The following CPS1 variants were observed in gnomAD, a reference collection of about 807,000 sequenced individuals.
The protein encoded by CPS1 is carbamoyl-phosphate synthase 1.
CPS1 carries 109 observed loss-of-function variants against 174.6 expected under a neutral mutation model. The ratio of observed to expected loss-of-function variants is 0.62; its 90% CI spans 0.53 to 0.73. CPS1 has a LOEUF of 0.73. Among genes scored for constraint, CPS1 ranks in the 30% least tolerant of loss-of-function variants. The pLI is 0.00. For synonymous variants in CPS1, 637 were observed against 632.0 expected (o/e 1.01, Z -0.12); for missense variants, 1,689 against 1,821.9 (o/e 0.93, Z 1.33).
intron 1 of CPS1, among the ~76,000 whole-genome samples, chr2:210,506,484 C>G (rs112544098): frequency 0.022 from 3,355 of 152,252 alleles, 54 homozygotes; most frequent in Non-Finnish European, 0.032. Flanking sequence ...GCCTCTTCTA[C>G]TCTACTCCAA....
At chr2:210,622,522 AG>A (rs1699561833) in intron 21 of CPS1, among the ~76,000 whole-genome samples, 1 of 151,866 alleles carries the variant, frequency 6.6e-6, no homozygotes, top group Non-Finnish European at 1.5e-5. Context: ...TAGCCAATAA[AG>A]GGGTGATAGT....
chr2:210,626,134 A>C (rs188688463), intron 21 of CPS1, among the ~76,000 whole-genome samples: 6 of 152,254 alleles, frequency 3.9e-5, no homozygotes, highest in African/African-American at 1.4e-4. Flanking sequence ...GTTAATTTGT[A>C]TGAATGCAGA....
chr2:210,568,750 G>A (rs144134697), intron 1 of CPS1, among the ~76,000 whole-genome samples: 2,487 of 152,036 alleles, frequency 0.016, 58 homozygotes, highest in African/African-American at 0.056. Flanking sequence ...TAAAATATTC[G>A]TAAGACTAAC....
At chr2:210,526,649 T>A (rs957427936) in intron 1 of CPS1, among the ~76,000 whole-genome samples, 1 of 151,866 alleles carries the variant, frequency 6.6e-6, no homozygotes, top group African/African-American at 2.4e-5. Context: ...CCACACACCC[T>A]GAAATCTATC....
intron 32 of CPS1, among the ~76,000 whole-genome samples, chr2:210,662,726 G>C (rs553717886): frequency 6.6e-6 from 1 of 152,206 alleles, no homozygotes; most frequent in Non-Finnish European, 1.5e-5. Context: ...ATCAGAACAA[G>C]AAGAGGAATG....
rs758319470 is a variant in CPS1, at chr2:210,576,434, A to G, written c.325A>G (p.Thr109Ala). 1 of 1,613,758 alleles carries G rather than the reference A, an allele frequency of 6.2e-7. No individual in the cohort carries two copies. Among genetic ancestry groups the G allele is most frequent in the Non-Finnish European group, 8.5e-7 (1 of 1,179,734 alleles). Residue 109 changes from threonine to alanine, a missense_variant, in exon 3 of 38, where the codon ACT becomes GCT. Transcript: ENST00000233072. ...TATTGGGAATGGTGGAGCTCCTGAT[A>G]CTACTGCTCTGGATGAACTGGGACT... ...PIIGNGGAPD[T>A]TALDELGLSK... is the part of the protein sequence containing the mutation.
At chr2:210,495,987 C>T (rs1419226987) in intron 1 of CPS1, among the ~76,000 whole-genome samples, 2 of 152,160 alleles carry the variant, frequency 1.3e-5, no homozygotes, top group African/African-American at 2.4e-5. Context: ...CTCTTTCCCT[C>T]CCTGTGTTCT....
intron 21 of CPS1, among the ~76,000 whole-genome samples, chr2:210,637,485 CAGG>C (rs377661218): frequency 1.8e-4 from 27 of 152,132 alleles, no homozygotes; most frequent in African/African-American, 5.3e-4. Context: ...AGTGTGAAAG[CAGG>C]AGATCAGAGA....
intron 31 of CPS1, among the ~76,000 whole-genome samples, chr2:210,659,597 A>G (rs1700846447): frequency 6.6e-6 from 1 of 152,174 alleles, no homozygotes; most frequent in African/African-American, 2.4e-5. Flanking sequence ...AACCACATCC[A>G]GACCATAGTA....
intron 36 of CPS1, among the ~76,000 whole-genome samples, chr2:210,676,430 A>T (rs1701539053): frequency 2.0e-5 from 3 of 152,240 alleles, no homozygotes; most frequent in Admixed American, 2.0e-4. Flanking sequence ...CATAGGAGAT[A>T]ATTCTCTGCT....
chr2:210,649,452 A>T (rs1195168206), intron 27 of CPS1, among the ~76,000 whole-genome samples: 1 of 152,208 alleles, frequency 6.6e-6, no homozygotes, highest in East Asian at 1.9e-4. Flanking sequence ...TTCCTCTCTT[A>T]AACAAATGAA....
At chr2:210,664,769 A>T (rs1559135414) in intron 33 of CPS1, among the ~76,000 whole-genome samples, 1 of 152,106 alleles carries the variant, frequency 6.6e-6, no homozygotes, top group Non-Finnish European at 1.5e-5. Context: ...TATAAAGAGA[A>T]TTTTTCTTCC....
rs1454246560 is a variant in CPS1, at chr2:210,600,683, A to G, written c.1678A>G (p.Lys560Glu). 5 of 1,612,158 alleles carry G rather than the reference A, an allele frequency of 3.1e-6. No homozygotes were observed. In the Admixed American group the frequency reaches 8.4e-5, roughly 27 times the overall value. ...AGATAAACTAAATGAGATCAATGAA[A>G]AGATTGCTCCAAGTTTTGCAGTGGA... is the stretch of plus-strand genomic sequence containing the variant. Reference protein sequence around the residue: ...FSDKLNEINEKIAPSFAVESI... With the variant: ...FSDKLNEINEEIAPSFAVESI... The change falls in exon 15 of 38, where the codon AAG (lysine) becomes GAG (glutamate). Residue 560 changes from lysine (K) to glutamate (E), a missense_variant. By Grantham distance (56) the Lys-to-Glu change is moderately conservative (BLOSUM62 1). Transcript: ENST00000233072.
intron 1 of CPS1, among the ~76,000 whole-genome samples, chr2:210,562,112 A>G (rs1001656501): frequency 6.6e-6 from 1 of 152,226 alleles, no homozygotes; most frequent in African/African-American, 2.4e-5. Flanking sequence ...CCTACACTTT[A>G]TGAACATACT....
chr2:210,563,792 G>T (rs1490197252), intron 1 of CPS1, among the ~76,000 whole-genome samples: 2 of 152,134 alleles, frequency 1.3e-5, no homozygotes, highest in Non-Finnish European at 2.9e-5. Context: ...TTTGAATTTT[G>T]ACTGTTACTT....
chr2:210,507,262 T>A (rs1449397583), intron 1 of CPS1, among the ~76,000 whole-genome samples: 7 of 152,148 alleles, frequency 4.6e-5, no homozygotes, highest in African/African-American at 9.7e-5. Flanking sequence ...CCAGAATTTC[T>A]TATCCAGTGA....
intron 28 of CPS1, among the ~76,000 whole-genome samples, chr2:210,651,232 G>C (rs1223931264): frequency 1.3e-5 from 2 of 152,116 alleles, no homozygotes; most frequent in African/African-American, 4.8e-5. Flanking sequence ...AGTGAAATCA[G>C]GAGCATTTCA....
intron 32 of CPS1, 135 bp from the exon 33 acceptor site, chr2:210,662,988 A>C: frequency 7.0e-6 from 6 of 854,820 alleles, no homozygotes; most frequent in Non-Finnish European, 1.1e-5. Context: ...CTTGGACCCA[A>C]GAGATTTTTT....
At chr2:210,500,440 A>C (rs1695109965) in intron 1 of CPS1, among the ~76,000 whole-genome samples, 1 of 152,212 alleles carries the variant, frequency 6.6e-6, no homozygotes, top group African/African-American at 2.4e-5. Flanking sequence ...AATCCAAAGC[A>C]AGTTAGTTCC....
Sources: allele counts gnomAD v4.1 joint callset (sites outside exome capture counted in the v4.1 genomes callset), GRCh38; gene constraint gnomAD v4.1.1; transcripts MANE v1.5; gene names NCBI Gene and HGNC (gene_info 2026-07-23, HGNC 2026-07-21).